The following COMMD8 variants were observed in gnomAD, a reference collection of about 807,000 sequenced individuals.
The protein encoded by COMMD8 is COMM domain containing 8, also known as COMM domain-containing protein 8.
A neutral mutation model predicts 27.2 loss-of-function variants in COMMD8; 28 were observed. The observed-to-expected ratio is 1.03, with a 90% CI of 0.76 to 1.41. The LOEUF is 1.41. Among genes scored for constraint, COMMD8 ranks in the 40% most tolerant of loss-of-function variants. COMMD8 has a pLI of 0.00. For synonymous variants in COMMD8, 79 were observed against 75.5 expected (o/e 1.05, Z -0.24); for missense variants, 217 against 211.2 (o/e 1.03, Z -0.17).
chr4:47,463,688 G>A lies in COMMD8; in HGVS notation c.-37C>T, dbSNP rs995865218. On this transcript the variant is annotated 5_prime_UTR_variant, in exon 1 of 5. Coordinates refer to ENST00000381571, the MANE Select transcript of COMMD8 (RefSeq NM_017845.5). ...GCTGGGGCTTGGGTCACGTGTCAAGGCTGGCCGCTTGTCTAAAGCTACGAC... is the reference window on the plus strand; with the variant it reads ...GCTGGGGCTTGGGTCACGTGTCAAGACTGGCCGCTTGTCTAAAGCTACGAC... The A allele has an allele frequency of 1.3e-6, 2 of 1,526,814 alleles. No individual in the cohort carries two copies. The highest frequency in any genetic ancestry group is 2.8e-5 in the African/African-American group (2 of 71,340). The allele number at this position is 1,526,814 out of a possible 1,614,324, so 94.6% of individuals were successfully genotyped here.
chr4:47,458,946 A>G (rs1434927873), intron 2 of COMMD8, among the ~76,000 whole-genome samples: 1 of 152,050 alleles, frequency 6.6e-6, no homozygotes, highest in Non-Finnish European at 1.5e-5. Flanking sequence ...ATAAATGGTC[A>G]ACTAGATATT....
At chr4:47,457,196 A>G (rs1191716438) in intron 2 of COMMD8, among the ~76,000 whole-genome samples, 2 of 152,242 alleles carry the variant, frequency 1.3e-5, no homozygotes, top group African/African-American at 2.4e-5. Flanking sequence ...AATAAGGGAT[A>G]CTCAACTTGT....
At chr4:47,451,743 G>C (rs1464092411) in intron 4 of COMMD8, 78 bp from the exon 5 acceptor site, 1 of 1,153,278 alleles carries the variant, frequency 8.7e-7, no homozygotes, top group African/African-American at 1.6e-5. Context: ...ATGCTTTGAA[G>C]TCTCTGAAAA....
intron 1 of COMMD8, among the ~76,000 whole-genome samples, chr4:47,460,902 A>G (rs73813544): frequency 0.042 from 6,397 of 152,284 alleles, 438 homozygotes; most frequent in African/African-American, 0.15. Context: ...TATCAGCAAC[A>G]GAAAGCCTAA....
chr4:47,455,123 C>T (rs1239267256), intron 3 of COMMD8, among the ~76,000 whole-genome samples: 2 of 151,922 alleles, frequency 1.3e-5, no homozygotes, highest in African/African-American at 2.4e-5. Context: ...AAGCAATTCT[C>T]GTGCCTCAGC....
rs1729997829 is a variant in COMMD8, at chr4:47,460,550, T to C, written c.67-251A>G. ...TATAAAAATTACATAATGAAAAAAC[T>C]AAAAGGAAGATACATATAAAAGATT... is the stretch of plus-strand genomic sequence containing the variant. On this transcript the variant is annotated intron_variant, in intron 1 of 4. Transcript: ENST00000381571. Among the ~76,000 whole-genome samples the C allele has an allele frequency of 1.3e-5, 2 of 151,946 alleles. 1 individual carries two copies. The highest frequency in any genetic ancestry group is 1.3e-4 in the Admixed American group (2 of 15,260).
chr4:47,456,031 A>G lies in COMMD8; in HGVS notation c.375+546T>C, dbSNP rs745367890. Among the ~76,000 whole-genome samples the G allele has an allele frequency of 3.3e-5, 5 of 152,016 alleles. 1 individual carries two copies. The Middle Eastern group carries it at 0.01, about 312-fold the overall frequency. ...TGGGTGGAGGCAGGCAGATCACTTG[A>G]GGCCAGGATTTGAGACCAGCCTAGC... On this transcript the variant is annotated intron_variant, in intron 3 of 4. Coordinates refer to ENST00000381571, the MANE Select transcript of COMMD8 (RefSeq NM_017845.5).
At chr4:47,453,854 C>G (rs981022767) in intron 3 of COMMD8, among the ~76,000 whole-genome samples, 4 of 152,160 alleles carry the variant, frequency 2.6e-5, no homozygotes, top group Admixed American at 2.6e-4. Flanking sequence ...CTCAATTTTT[C>G]TAGAATCTGA....
intron 3 of COMMD8, among the ~76,000 whole-genome samples, chr4:47,455,950 C>G (rs1054289983): frequency 6.6e-6 from 1 of 151,968 alleles, no homozygotes; most frequent in Admixed American, 6.6e-5. Flanking sequence ...AAGTTGTGGT[C>G]AAAAATATAT....
At chr4:47,454,622 T>A (rs1729837245) in intron 3 of COMMD8, among the ~76,000 whole-genome samples, 1 of 152,000 alleles carries the variant, frequency 6.6e-6, no homozygotes, top group Non-Finnish European at 1.5e-5. Context: ...TCCCAGCACT[T>A]TGGGAGGCTG....
In COMMD8 at chr4:47,460,289, T is replaced by C; in HGVS notation, c.77A>G (p.Lys26Arg). Residue 26 changes from lysine (K) to arginine (R), a missense_variant, in exon 2 of 5, where the codon AAA becomes AGA. Lys to Arg is a conservative substitution (Grantham distance 26). Transcript: ENST00000381571. ...TCGACCACAAATGCCATCAATTATTTTGTGAAGAAGCTAGCAAGAAAAAAG... is the reference window on the plus strand; with the variant it reads ...TCGACCACAAATGCCATCAATTATTCTGTGAAGAAGCTAGCAAGAAAAAAG... ...PAELGPQLLH[K>R]IIDGICGRAY... 6.2e-7 allele frequency: 1 copy of C among 1,610,432 alleles called. No individual in the cohort carries two copies. Among genetic ancestry groups the C allele is most frequent in the African/African-American group, 1.3e-5 (1 of 74,914 alleles).
At chr4:47,463,277 TTGAA>T (rs1294144757) in intron 1 of COMMD8, among the ~76,000 whole-genome samples, 1 of 152,204 alleles carries the variant, frequency 6.6e-6, no homozygotes, top group African/African-American at 2.4e-5. Context: ...AGGTTATGTG[TTGAA>T]TGAATTAAGA....
Position 47,463,655 on chromosome 4 carries a change from T to C in COMMD8, c.-4A>G, listed in dbSNP as rs746651945. On this transcript the variant is annotated 5_prime_UTR_variant, in exon 1 of 5. Transcript: ENST00000381571. ...GCGTCCCCTCTTCCGGCTCCATCCC[T>C]GCGCGAAGCTGGGGCTTGGGTCACG... 2 of 1,547,926 alleles carry C rather than the reference T, an allele frequency of 1.3e-6. No individual in the cohort carries two copies. The highest frequency in any genetic ancestry group is 1.4e-5 in the African/African-American group (1 of 72,746).
rs548361206 is a variant in COMMD8, at chr4:47,455,073, C to T, written c.375+1504G>A. 7.2e-5 allele frequency among the ~76,000 whole-genome samples: 11 copies of T among 151,896 alleles called. No individual in the cohort carries two copies. In the South Asian group the frequency reaches 1.9e-3, roughly 26 times the overall value. ...GTGCCCAGGCTGGAGTGAAGTGGCACGATGATCTTGGTTCACTGCAAGCTC... is the reference window on the plus strand; with the variant it reads ...GTGCCCAGGCTGGAGTGAAGTGGCATGATGATCTTGGTTCACTGCAAGCTC... On this transcript the variant is annotated intron_variant, in intron 3 of 4. Coordinates refer to ENST00000381571, the MANE Select transcript of COMMD8 (RefSeq NM_017845.5).
In COMMD8 at chr4:47,456,657, C is replaced by A. The variant is rs1351838500; in HGVS notation, c.295G>T (p.Asp99Tyr). Residue 99 changes from aspartate (D) to tyrosine (Y), a missense_variant, in exon 3 of 5, where the codon GAT becomes TAT. Coordinates refer to ENST00000381571, the MANE Select transcript of COMMD8 (RefSeq NM_017845.5). ...TIMKCVKSRK[D>Y]EIKQALSREI... Reference sequence around the variant, plus strand: ...CTTGACAGAGCCTGTTTGATTTCATCTTTCCTACTTTTCACGCATTTCATG... The same window carrying A: ...CTTGACAGAGCCTGTTTGATTTCATATTTCCTACTTTTCACGCATTTCATG... The A allele has an allele frequency of 6.2e-7, 1 of 1,609,754 alleles. No individual in the cohort carries two copies. Among genetic ancestry groups the A allele is most frequent in the East Asian group, 2.2e-5 (1 of 44,528 alleles).
intron 2 of COMMD8, 91 bp from the exon 3 acceptor site, chr4:47,456,820 T>A: frequency 1.1e-6 from 1 of 917,676 alleles, no homozygotes; most frequent in Non-Finnish European, 1.6e-6. Context: ...AAAGCAACAG[T>A]AAAAGAAAAA....
intron 2 of COMMD8, among the ~76,000 whole-genome samples, chr4:47,457,764 G>GA (rs1553886847): frequency 2.0e-5 from 3 of 148,494 alleles, no homozygotes; most frequent in Non-Finnish European, 4.5e-5. Context: ...CTGAGAACAG[G>GA]AAAAAAATCC....
At chr4:47,451,781 G>A (rs921073430) in intron 4 of COMMD8, 116 bp from the exon 5 acceptor site, 2 of 678,772 alleles carry the variant, frequency 2.9e-6, no homozygotes, top group Non-Finnish European at 4.9e-6. Flanking sequence ...TAACAAGCAA[G>A]TACAATGCAC....
At chr4:47,452,788 G>C (rs1729784579) in intron 4 of COMMD8, among the ~76,000 whole-genome samples, 1 of 152,210 alleles carries the variant, frequency 6.6e-6, no homozygotes, top group Non-Finnish European at 1.5e-5. Context: ...TTGAGGTCAA[G>C]AGTTTGAGAC....
Sources: allele counts gnomAD v4.1 joint callset (sites outside exome capture counted in the v4.1 genomes callset), GRCh38; gene constraint gnomAD v4.1.1; transcripts MANE v1.5; gene names NCBI Gene and HGNC (gene_info 2026-07-23, HGNC 2026-07-21).